Variants in PAX3 observed in about 807,000 individuals in gnomAD.
The protein encoded by PAX3 is paired box 3, also known as paired box protein Pax-3.
In PAX3, 14 loss-of-function variants were observed where a neutral mutation model predicts 51.6. The observed-to-expected ratio is 0.27, with a 90% CI of 0.18 to 0.42. The LOEUF is 0.42. PAX3 is among the 10% of genes least tolerant of loss of function. PAX3 has a pLI of 1.00. For synonymous variants in PAX3, 280 were observed against 253.4 expected, an observed-to-expected ratio of 1.11 and a Z score of -1.00; for missense variants, 540 against 642.8, an observed-to-expected ratio of 0.84 and a Z score of 1.73.
chr2:222,235,338 A>G (rs1261984269), intron 4 of PAX3, among the ~76,000 whole-genome samples: 1 of 152,174 alleles, frequency 6.6e-6, no homozygotes, highest in Non-Finnish European at 1.5e-5. Flanking sequence ...GACACGTTGA[A>G]TGAATGCCAA....
intron 4 of PAX3, among the ~76,000 whole-genome samples, chr2:222,238,763 A>T (rs1049631943): frequency 4.6e-5 from 7 of 152,210 alleles, no homozygotes; most frequent in African/African-American, 1.7e-4. Flanking sequence ...AAAGAACAAG[A>T]TAAAAATAAG....
At chr2:222,293,883 C>G (rs940246978) in intron 4 of PAX3, 2 of 1,604,472 alleles carry the variant, frequency 1.2e-6, no homozygotes, top group African/African-American at 2.7e-5. Flanking sequence ...TCCCCTGCCC[C>G]CTACAACAGA....
intron 5 of PAX3, among the ~76,000 whole-genome samples, chr2:222,227,791 G>GTTCTTACA (rs1455316608): frequency 6.6e-6 from 1 of 151,344 alleles, no homozygotes; most frequent in South Asian, 2.1e-4. Flanking sequence ...GTATACAACA[G>GTTCTTACA]TTCTTACATT....
At chr2:222,276,180 G>A (rs1433690823) in intron 4 of PAX3, among the ~76,000 whole-genome samples, 1 of 152,148 alleles carries the variant, frequency 6.6e-6, no homozygotes, top group Non-Finnish European at 1.5e-5. Flanking sequence ...AGAATCATGT[G>A]CAACCCATTG....
intron 5 of PAX3, among the ~76,000 whole-genome samples, chr2:222,224,292 T>C (rs552860047): frequency 6.6e-6 from 1 of 152,290 alleles, no homozygotes; most frequent in Non-Finnish European, 1.5e-5. Context: ...TTCAAGAGAT[T>C]CCCAAAGGAA....
At chr2:222,229,246 T>C (rs1284623387) in intron 5 of PAX3, among the ~76,000 whole-genome samples, 7 of 150,124 alleles carry the variant, frequency 4.7e-5, no homozygotes, top group African/African-American at 1.7e-4. Flanking sequence ...ATAACATTGA[T>C]ATAGTAATAT....
intron 4 of PAX3, chr2:222,293,588 T>G: frequency 6.3e-7 from 1 of 1,595,748 alleles, no homozygotes; most frequent in Non-Finnish European, 8.6e-7. Context: ...CACACACAGG[T>G]TAAACCCCCT....
At position 222,220,149 on chromosome 2, in the gene PAX3, G is replaced by C. The variant is rs946285656; in HGVS notation, c.1164C>G (p.Leu388=). Residue 388 remains leucine, a synonymous_variant, in exon 7 of 9, where the codon CTC becomes CTG. Transcript: ENST00000392070. ...GAAACACGGGACTGACCTGAGGTGA[G>C]AGGCCATTGCCAATGGTGGGGTTCA... ...NPMNPTIGNG[L]SPQVMGLLTN... The C allele has an allele frequency of 6.2e-7, 1 of 1,613,476 alleles. No homozygotes were observed. Among genetic ancestry groups the C allele is most frequent in the Non-Finnish European group, 8.5e-7 (1 of 1,179,640 alleles).
chr2:222,287,213 G>A (rs1346334543), intron 4 of PAX3, among the ~76,000 whole-genome samples: 2 of 152,210 alleles, frequency 1.3e-5, no homozygotes, highest in African/African-American at 4.8e-5. Context: ...ACAGGGCAGA[G>A]GATGGCCATT....
At chr2:222,203,731 G>A (rs2106037786) in intron 7 of PAX3, among the ~76,000 whole-genome samples, 1 of 152,236 alleles carries the variant, frequency 6.6e-6, no homozygotes, top group South Asian at 2.1e-4. Context: ...TTTGGGAAGG[G>A]TTTGCATAAT....
chr2:222,256,473 C>T (rs1179428542), intron 4 of PAX3, among the ~76,000 whole-genome samples: 1 of 151,948 alleles, frequency 6.6e-6, no homozygotes, highest in Non-Finnish European at 1.5e-5. Flanking sequence ...CCTTCCCTCT[C>T]CCTCTCCACT....
At chr2:222,213,528 C>A (rs1034891090) in intron 7 of PAX3, among the ~76,000 whole-genome samples, 2 of 152,152 alleles carry the variant, frequency 1.3e-5, no homozygotes, top group Admixed American at 6.6e-5. Flanking sequence ...GAAGCCCTGG[C>A]AATCAGCACA....
rs967921116 is a variant in PAX3, at chr2:222,295,379, A to T, written c.451+149T>A. On this transcript the variant is annotated intron_variant, in intron 3 of 8. Transcript: ENST00000392070. ...CCCCTCCCTCCATAAAGTGCCAAGA[A>T]CACCGGGTTGGCAAATATTGCAGGG... 6 of 929,936 alleles carry T rather than the reference A, an allele frequency of 6.5e-6. No homozygotes were observed. In the East Asian group the frequency reaches 1.5e-4, roughly 24 times the overall value. The allele number at this position is 929,936 out of a possible 1,614,324, so 57.6% of individuals were successfully genotyped here.
intron 4 of PAX3, among the ~76,000 whole-genome samples, chr2:222,277,697 A>G (rs1328746726): frequency 6.6e-6 from 1 of 152,150 alleles, no homozygotes; most frequent in Non-Finnish European, 1.5e-5. Context: ...GCACTTTGGG[A>G]GGCTGAGGCA....
chr2:222,232,390 C>T (rs1692631092), intron 4 of PAX3, 107 bp from the exon 5 acceptor site: 1 of 891,560 alleles, frequency 1.1e-6, no homozygotes, highest in Non-Finnish European at 1.8e-6. Flanking sequence ...ACAGTGATCC[C>T]TATACCTAAA....
chr2:222,261,933 G>A (rs575012130), intron 4 of PAX3, among the ~76,000 whole-genome samples: 12 of 152,344 alleles, frequency 7.9e-5, no homozygotes, highest in African/African-American at 2.9e-4. Flanking sequence ...CAGGCAACCA[G>A]TATCCCAATG....
intron 1 of PAX3, among the ~76,000 whole-genome samples, chr2:222,297,876 A>G (rs979541188): frequency 9.9e-5 from 15 of 152,178 alleles, no homozygotes; most frequent in Admixed American, 2.6e-4. Context: ...GGCGATGAGC[A>G]TCTCTGCTGG....
chr2:222,232,102 C>T lies in PAX3; in HGVS notation c.768G>A (p.Ala256=), dbSNP rs369433426. ...CCTGTACTCGGGCCTCGGTGAGCTTCGCCCTCTGGGCCAGTTCCTCCCTAG... is the reference window on the plus strand; with the variant it reads ...CCTGTACTCGGGCCTCGGTGAGCTTTGCCCTCTGGGCCAGTTCCTCCCTAG... The part of the protein sequence containing the change: ...IYTREELAQR[A]KLTEARVQVW... Residue 256 remains alanine (A), a synonymous_variant, in exon 5 of 9, where the codon GCG becomes GCA. Transcript: ENST00000392070. The T allele has an allele frequency of 1.9e-5, 31 of 1,613,980 alleles. No individual in the cohort carries two copies. The East Asian group carries it at 4.5e-4, about 23-fold the overall frequency.
chr2:222,261,243 C>T (rs1210603716), intron 4 of PAX3, among the ~76,000 whole-genome samples: 1 of 152,194 alleles, frequency 6.6e-6, no homozygotes, highest in African/African-American at 2.4e-5. Flanking sequence ...AACAGCCTCC[C>T]TCAAAAAGCC....
Sources: gnomAD v4.1 joint callset for allele counts (sites outside exome capture counted in the v4.1 genomes callset) on GRCh38, gnomAD v4.1.1 for gene constraint, MANE v1.5 for transcripts, NCBI Gene and HGNC (gene_info 2026-07-23, HGNC 2026-07-21) for gene names.